Variants in CMSS1 observed in about 807,000 individuals in gnomAD.
The protein encoded by CMSS1 is protein CMSS1.
Under a neutral mutation model 43.5 loss-of-function variants are expected in CMSS1, and 33 were observed. The observed-to-expected ratio is 0.76, with a 90% CI of 0.57 to 1.01. CMSS1 has a LOEUF of 1.01. Among genes scored for constraint, CMSS1 ranks in the 50% least tolerant of loss-of-function variants. The probability of loss-of-function intolerance (pLI) is 0.00; values close to 1 mark genes in which losing one functional copy is unlikely to be tolerated. For missense variants in CMSS1, 313 were observed against 326.4 expected (o/e 0.96, Z 0.32); for synonymous variants, 115 against 117.2 (o/e 0.98, Z 0.12).
chr3:100,055,594 T>C (rs751253910), intron 1 of CMSS1, among the ~76,000 whole-genome samples: 95 of 152,188 alleles, frequency 6.2e-4, no homozygotes, highest in Non-Finnish European at 7.8e-4. Context: ...AAAATATAAA[T>C]TACCCATTGC....
At chr3:99,991,854 GTGTA>G (rs1709521165) in intron 1 of CMSS1, among the ~76,000 whole-genome samples, 3 of 148,852 alleles carry the variant, frequency 2.0e-5, no homozygotes, top group Admixed American at 1.3e-4. Context: ...GTGTGTGTGT[GTGTA>G]TGTGTATATA....
chr3:100,140,856 A>G (rs1250597884), intron 1 of CMSS1, among the ~76,000 whole-genome samples: 1 of 152,140 alleles, frequency 6.6e-6, no homozygotes. Flanking sequence ...TAAATAAGAA[A>G]AAAATAACAG....
chr3:100,032,707 T>G (rs1446831418), intron 1 of CMSS1, among the ~76,000 whole-genome samples: 2 of 152,186 alleles, frequency 1.3e-5, no homozygotes, highest in Admixed American at 1.3e-4. Context: ...GTATGAATAA[T>G]TTATGGGCAG....
At chr3:99,876,260 G>T (rs1004091097) in intron 1 of CMSS1, 203 of 978,890 alleles carry the variant, frequency 2.1e-4, no homozygotes, top group Non-Finnish European at 2.3e-4. Flanking sequence ...CGCTGTCGGC[G>T]GGGGCGCCGG....
chr3:99,928,596 A>T (rs964868623), intron 1 of CMSS1, among the ~76,000 whole-genome samples: 3 of 152,134 alleles, frequency 2.0e-5, no homozygotes, highest in Non-Finnish European at 4.4e-5. Flanking sequence ...ATTATTTTGT[A>T]ATTAAATTTT....
chr3:100,055,178 C>T (rs1310266075), intron 1 of CMSS1, among the ~76,000 whole-genome samples: 7 of 152,184 alleles, frequency 4.6e-5, no homozygotes, highest in Non-Finnish European at 1.0e-4. Context: ...CAGTTCTCCT[C>T]GTCCTACTCT....
chr3:99,947,945 C>G (rs1482915441), intron 1 of CMSS1, among the ~76,000 whole-genome samples: 1 of 152,090 alleles, frequency 6.6e-6, no homozygotes, highest in African/African-American at 2.4e-5. Flanking sequence ...ATCATATAGA[C>G]TTGAATAAAA....
At chr3:100,095,656 A>G (rs1443909907) in intron 1 of CMSS1, among the ~76,000 whole-genome samples, 1 of 152,186 alleles carries the variant, frequency 6.6e-6, no homozygotes, top group Non-Finnish European at 1.5e-5. Flanking sequence ...AAGACTTCAG[A>G]CTTTGAAACT....
chr3:99,960,659 T>C (rs569211346), intron 1 of CMSS1, among the ~76,000 whole-genome samples: 3 of 152,228 alleles, frequency 2.0e-5, no homozygotes, highest in South Asian at 4.1e-4. Context: ...AGGGGAGAAG[T>C]AGGGGAGTCC....
intron 1 of CMSS1, among the ~76,000 whole-genome samples, chr3:99,880,294 A>C (rs1288783379): frequency 6.6e-6 from 1 of 152,234 alleles, no homozygotes; most frequent in East Asian, 1.9e-4. Context: ...GTAGATACCC[A>C]CATGAAATAT....
chr3:99,900,736 G>A (rs1484420693), intron 1 of CMSS1, among the ~76,000 whole-genome samples: 8 of 152,222 alleles, frequency 5.3e-5, no homozygotes, highest in Admixed American at 5.2e-4. Flanking sequence ...AAACTGAGCT[G>A]CACGTTGGAA....
At chr3:100,080,337 A>G (rs1471414017) in intron 1 of CMSS1, among the ~76,000 whole-genome samples, 2 of 152,068 alleles carry the variant, frequency 1.3e-5, no homozygotes, top group Non-Finnish European at 2.9e-5. Flanking sequence ...AAAAAATTTA[A>G]TAACTCTAGG....
At chr3:99,970,793 T>A (rs543369128) in intron 1 of CMSS1, among the ~76,000 whole-genome samples, 3 of 152,324 alleles carry the variant, frequency 2.0e-5, no homozygotes, top group Admixed American at 1.3e-4. Context: ...TTAAACATTA[T>A]ACTATCTGCT....
At chr3:99,854,343 G>A (rs1004670240) in intron 1 of CMSS1, among the ~76,000 whole-genome samples, 1 of 152,036 alleles carries the variant, frequency 6.6e-6, no homozygotes, top group Non-Finnish European at 1.5e-5. Context: ...ATGAACTCTC[G>A]GTTTGCTAGC....
chr3:99,989,508 C>T (rs1336515401), intron 1 of CMSS1, among the ~76,000 whole-genome samples: 2 of 152,174 alleles, frequency 1.3e-5, no homozygotes, highest in Non-Finnish European at 2.9e-5. Flanking sequence ...GACTCCATTT[C>T]CTTATTGGAG....
intron 1 of CMSS1, among the ~76,000 whole-genome samples, chr3:100,135,702 A>C (rs896567533): frequency 1.0e-4 from 15 of 147,538 alleles, no homozygotes; most frequent in Middle Eastern, 3.2e-3. Flanking sequence ...GGAGCAGTCA[A>C]ATTTTTAGAA....
intron 1 of CMSS1, among the ~76,000 whole-genome samples, chr3:100,066,498 G>A (rs1283617758): frequency 7.1e-6 from 1 of 140,684 alleles, no homozygotes; most frequent in Non-Finnish European, 1.5e-5. Context: ...AAGCAAGGAT[G>A]ATGTGGAAGG....
intron 4 of CMSS1, among the ~76,000 whole-genome samples, chr3:100,163,378 C>T (rs1367261448): frequency 6.6e-6 from 1 of 152,170 alleles, no homozygotes; most frequent in African/African-American, 2.4e-5. Flanking sequence ...TTCAAGCAAA[C>T]TGTCAAAAGG....
intron 1 of CMSS1, among the ~76,000 whole-genome samples, chr3:99,947,137 CAAAAAA>C (rs397829321): frequency 2.3e-4 from 20 of 88,806 alleles, no homozygotes; most frequent in Middle Eastern, 6.3e-3. Context: ...GACTCTGTCT[CAAAAAA>C]AAAAAAAAAA....
Sources: gnomAD v4.1 joint callset for allele counts (sites outside exome capture counted in the v4.1 genomes callset) on GRCh38, gnomAD v4.1.1 for gene constraint, MANE v1.5 for transcripts, NCBI Gene and HGNC (gene_info 2026-07-23, HGNC 2026-07-21) for gene names.